Variants in HSPD1 observed in about 807,000 individuals in gnomAD.
The protein encoded by HSPD1 is 60 kDa heat shock protein, mitochondrial.
A neutral mutation model predicts 53.0 loss-of-function variants in HSPD1; 3 were observed. The ratio of observed to expected loss-of-function variants is 0.06; its 90% CI spans 0.03 to 0.15. The LOEUF (loss-of-function observed/expected upper bound fraction) is 0.15, where lower values mean the gene tolerates loss of function less well. Ranked by LOEUF, HSPD1 falls within the 10% of genes least tolerant of loss-of-function variation. The pLI, the probability that HSPD1 is intolerant of heterozygous loss-of-function variation, is 1.00. For synonymous variants in HSPD1, 200 were observed against 228.0 expected (o/e 0.88, Z 1.10); for missense variants, 431 against 694.1 (o/e 0.62, Z 4.26).
At chr2:197,498,940 G>GTT (rs1369104828) in intron 1 of HSPD1, 90 bp from the exon 2 acceptor site, 2 of 1,172,622 alleles carry the variant, frequency 1.7e-6, no homozygotes, top group African/African-American at 3.0e-5. Flanking sequence ...AGCAAGCAAC[G>GTT]TGAGATGCTG....
intron 5 of HSPD1, 116 bp from the exon 6 acceptor site, chr2:197,494,366 G>A (rs776164677): frequency 1.3e-4 from 91 of 699,054 alleles, no homozygotes; most frequent in Middle Eastern, 2.6e-4. Flanking sequence ...GGTAGAGTAT[G>A]AAACAGCCCA....
chr2:197,490,564 C>T (rs1169702550), intron 7 of HSPD1: 5 of 422,966 alleles, frequency 1.2e-5, no homozygotes, highest in African/African-American at 2.0e-5. Context: ...GGCGTGGTGA[C>T]TCAGGCCTGT....
At chr2:197,492,678 G>A (rs1379967755) in intron 7 of HSPD1, among the ~76,000 whole-genome samples, 61 of 151,938 alleles carry the variant, frequency 4.0e-4, no homozygotes, top group Admixed American at 3.9e-3. Flanking sequence ...TCCAGCCTGG[G>A]TGACAGAGAC....
At chr2:197,494,349 G>GATGCAGGGTAGAGTATGA in intron 5 of HSPD1, 99 bp from the exon 6 acceptor site, 1 of 746,772 alleles carries the variant, frequency 1.3e-6, no homozygotes, top group Non-Finnish European at 2.5e-6. Context: ...GGCCATAAGA[G>GATGCAGGGTAGAGTATGA]ATGCAGGGTA....
intron 3 of HSPD1, chr2:197,496,774 T>A: frequency 3.3e-6 from 1 of 298,948 alleles, no homozygotes; most frequent in South Asian, 3.4e-5. Flanking sequence ...TCTACAAAAC[T>A]AAACTAAAAA....
Position 197,498,535 on chromosome 2 carries a change from A to G in HSPD1, c.174+140T>C, listed in dbSNP as rs1055555449. 3.7e-5 allele frequency: 30 copies of G among 800,546 alleles called. No individual in the cohort carries two copies. In the Middle Eastern group the frequency reaches 9.1e-4, roughly 24 times the overall value. The allele number at this position is 800,546 out of a possible 1,614,324, so 49.6% of individuals were successfully genotyped here. ...CATGTCTAAGAAAAAAAGGCTAACC[A>G]ATACTTCAGAATTCTTACATGTAAA... On this transcript the variant is annotated intron_variant, in intron 2 of 11. Coordinates refer to ENST00000388968, the MANE Select transcript of HSPD1 (RefSeq NM_002156.5).
intron 6 of HSPD1, 128 bp from the exon 7 acceptor site, chr2:197,493,620 C>G (rs2086120828): frequency 1.4e-6 from 1 of 707,646 alleles, no homozygotes; most frequent in Middle Eastern, 2.5e-4. Flanking sequence ...CTTCATTTCT[C>G]ATATGCATTA....
chr2:197,491,154 CTTGT>C (rs2086086250), intron 7 of HSPD1, among the ~76,000 whole-genome samples: 2 of 150,658 alleles, frequency 1.3e-5, no homozygotes, highest in African/African-American at 4.9e-5. Flanking sequence ...ACTCTGTAGG[CTTGT>C]TTTTTTCTGG....
intron 6 of HSPD1, 128 bp from the exon 7 acceptor site, chr2:197,493,620 C>T (rs2086120828): frequency 7.1e-6 from 5 of 707,646 alleles, no homozygotes; most frequent in Non-Finnish European, 1.3e-5. Flanking sequence ...CTTCATTTCT[C>T]ATATGCATTA....
intron 7 of HSPD1, 59 bp downstream of exon 7, chr2:197,493,265 T>C: frequency 6.9e-7 from 1 of 1,443,630 alleles, no homozygotes; most frequent in South Asian, 1.1e-5. Flanking sequence ...CAAACAGCAA[T>C]ACAAATAATT....
At position 197,494,179 on chromosome 2, in the gene HSPD1, T is replaced by C. The variant is rs1374199150; in HGVS notation, c.678A>G (p.Pro226=). 13 of 1,436,470 alleles carry C rather than the reference T, an allele frequency of 9.0e-6. No homozygotes were observed. Among genetic ancestry groups the C allele is most frequent in the South Asian group, 1.1e-5 (1 of 87,244 alleles). The allele number at this position is 1,436,470 out of a possible 1,614,324, so 89.0% of individuals were successfully genotyped here. A position where few individuals can be genotyped will look rare whatever the true frequency, so the allele number is the denominator to read the frequency against. ...GMKFDRGYIS[P]YFINTSKGQK... is the part of the protein sequence containing the mutation. ...TACCTTTTGATGTATTAATAAAGTA[T>C]GGAGAAATATAGCCTCGATCAAACT... is the stretch of plus-strand genomic sequence containing the variant. The change falls in exon 6 of 12, where the codon CCA becomes CCG. Residue 226 remains proline, a synonymous_variant. Transcript: ENST00000388968.
intron 7 of HSPD1, chr2:197,490,605 T>C: frequency 2.9e-6 from 1 of 341,780 alleles, no homozygotes; most frequent in Non-Finnish European, 5.5e-6. Context: ...CCCAGGCAGG[T>C]GGATCACGAG....
Position 197,488,423 on chromosome 2 carries a change from T to G in HSPD1, c.1284A>C (p.Thr428=), listed in dbSNP as rs1455425956. 1 of 1,613,692 alleles carries G rather than the reference T, an allele frequency of 6.2e-7. No homozygotes were observed. Among genetic ancestry groups the G allele is most frequent in the Non-Finnish European group, 8.5e-7 (1 of 1,179,590 alleles). Residue 428 remains threonine (T), a synonymous_variant, in exon 10 of 12, where the codon ACA becomes ACC. Coordinates refer to ENST00000388968, the MANE Select transcript of HSPD1 (RefSeq NM_002156.5). The stretch of plus-strand genomic sequence containing the variant: ...CAATGCCTTCTTCAACAGCAGCTCT[T>G]GTAGCATTAAGGGCATCTGTAACTC... The part of the protein sequence containing the change: ...KDRVTDALNA[T]RAAVEEGIVL...
In HSPD1 at chr2:197,497,331, G is replaced by C. The variant is rs2086171778; in HGVS notation, c.236C>G (p.Thr79Ser). The C allele has an allele frequency of 3.1e-6, 5 of 1,612,860 alleles. No individual in the cohort carries two copies. Among genetic ancestry groups the C allele is most frequent in the Non-Finnish European group, 3.4e-6 (4 of 1,178,890 alleles). The change falls in exon 3 of 12, where the codon ACT becomes AGT. Residue 79 changes from threonine to serine, a missense_variant. This residue lies in a region of HSPD1 where 386 missense variants were observed against 657.6 expected (regional missense o/e 0.59). Transcript: ENST00000388968. ...TTTTAAGTCAATTGACTTTGCAACA[G>C]TCACACCATCTTTTGTTACTTTGGG... ...GSPKVTKDGV[T>S]VAKSIDLKDK...
At chr2:197,499,916 T>A (rs1458841059), upstream of HSPD1, 1 of 154,028 alleles carries the variant, frequency 6.5e-6, no homozygotes. Flanking sequence ...CGGCACCGCG[T>A]GTGCAGGCAG....
At chr2:197,490,578 C>A in intron 7 of HSPD1, 1 of 394,708 alleles carries the variant, frequency 2.5e-6, no homozygotes, top group Non-Finnish European at 4.7e-6. Flanking sequence ...GGCCTGTAAT[C>A]CCGGCACTTT....
intron 3 of HSPD1, chr2:197,496,805 G>T: frequency 2.8e-6 from 1 of 354,160 alleles, no homozygotes; most frequent in South Asian, 2.7e-5. Flanking sequence ...ATGGTGGTGA[G>T]TGCCTGTAGT....
At position 197,493,340 on chromosome 2, in the gene HSPD1, T is replaced by C; in HGVS notation, c.853A>G (p.Thr285Ala). 1 of 1,613,382 alleles carries C rather than the reference T, an allele frequency of 6.2e-7. No individual in the cohort carries two copies. Among genetic ancestry groups the C allele is most frequent in the Non-Finnish European group, 8.5e-7 (1 of 1,179,588 alleles). ...GCTTATTACCTATTCAAGACGAGTG[T>C]ACTTAGAGCTTCTCCATCAACATCT... ...AEDVDGEALS[T>A]LVLNRLKVGL... The change falls in exon 7 of 12, where the codon ACA becomes GCA. Residue 285 changes from threonine (T) to alanine (A), a missense_variant. By Grantham distance (58) the Thr-to-Ala change is moderately conservative. This residue lies in a region of HSPD1 where 386 missense variants were observed against 657.6 expected (regional missense o/e 0.59). Coordinates refer to ENST00000388968, the MANE Select transcript of HSPD1 (RefSeq NM_002156.5).
intron 11 of HSPD1, 64 bp from the exon 12 acceptor site, chr2:197,487,262 TTC>T: frequency 6.8e-7 from 1 of 1,468,346 alleles, no homozygotes; most frequent in Non-Finnish European, 9.4e-7. Context: ...TATTGAAAAT[TTC>T]TGTCTGGGCA....
Sources: allele counts gnomAD v4.1 joint callset (sites outside exome capture counted in the v4.1 genomes callset), GRCh38; gene constraint gnomAD v4.1.1; regional missense constraint gnomAD v4.1.1; transcripts MANE v1.5; gene names NCBI Gene and HGNC (gene_info 2026-07-23, HGNC 2026-07-21).